The following SEMA3E variants were observed in gnomAD, a reference collection of about 807,000 sequenced individuals.
SEMA3E encodes semaphorin 3E, also known as semaphorin-3E.
Under a neutral mutation model 93.6 loss-of-function variants are expected in SEMA3E, and 49 were observed. The ratio of observed to expected loss-of-function variants is 0.52; its 90% confidence interval spans 0.42 to 0.66. The LOEUF is 0.66. Ranked by LOEUF, SEMA3E falls within the 30% of genes least tolerant of loss-of-function variation. The probability of loss-of-function intolerance (pLI) is 0.00; values close to 1 mark genes in which losing one functional copy is unlikely to be tolerated. For missense variants in SEMA3E, 906 were observed against 964.8 expected (o/e 0.94, Z 0.81); for synonymous variants, 363 against 330.7 (o/e 1.10, Z -1.06).
chr7:83,441,754 T>A (rs2115786182), intron 4 of SEMA3E, among the ~76,000 whole-genome samples: 1 of 146,466 alleles, frequency 6.8e-6, no homozygotes, highest in Admixed American at 6.8e-5. Context: ...CCTACAGGTA[T>A]GGATACACAC....
At position 83,595,919 on chromosome 7, in the gene SEMA3E, C is replaced by A. The variant is rs147633592; in HGVS notation, c.115+52509G>T. 4.3e-3 allele frequency among the ~76,000 whole-genome samples: 659 copies of A among 152,044 alleles called. 1 individual carries two copies. Among genetic ancestry groups the A allele is most frequent in the Admixed American group, 9.6e-3 (146 of 15,268 alleles). On this transcript the variant is annotated intron_variant, in intron 1 of 16. Coordinates refer to ENST00000643230, the MANE Select transcript of SEMA3E (RefSeq NM_012431.3). Reference sequence around the variant, plus strand: ...AATAATTTATGACTATGAAAATATTCCATTTATCTTTAAACTTTTGCCCAC... The same window carrying A: ...AATAATTTATGACTATGAAAATATTACATTTATCTTTAAACTTTTGCCCAC...
chr7:83,599,655 T>C (rs752045266), intron 1 of SEMA3E, among the ~76,000 whole-genome samples: 2 of 152,188 alleles, frequency 1.3e-5, no homozygotes, highest in Non-Finnish European at 2.9e-5. Flanking sequence ...ATAACTACAT[T>C]CAGAAAACCA....
intron 1 of SEMA3E, among the ~76,000 whole-genome samples, chr7:83,498,264 G>A (rs1790528598): frequency 3.3e-5 from 5 of 152,210 alleles, no homozygotes; most frequent in Middle Eastern, 3.4e-3. Flanking sequence ...GCTTTAGACT[G>A]CACTGGGGTT....
In SEMA3E at chr7:83,408,399, G is replaced by A; in HGVS notation, c.639C>T (p.Arg213=). 1.2e-6 allele frequency: 2 copies of A among 1,613,782 alleles called. No homozygotes were observed. Among genetic ancestry groups the A allele is most frequent in the South Asian group, 1.1e-5 (1 of 91,078 alleles). ...FRSMGRLAHI[R]TEHDDERLLK... is the part of the protein sequence containing the mutation. ...ACAGACGCTCATCGTCATGCTCAGT[G>A]CGGATATGGGCCAGTCGCCCCATGC... is the stretch of plus-strand genomic sequence containing the variant. Residue 213 remains arginine, a synonymous_variant, in exon 6 of 17, where the codon CGC becomes CGT. Transcript: ENST00000643230.
intron 2 of SEMA3E, among the ~76,000 whole-genome samples, chr7:83,476,514 C>A (rs1200075692): frequency 1.3e-5 from 2 of 152,082 alleles, no homozygotes; most frequent in Non-Finnish European, 2.9e-5. Context: ...TATAGGTTTA[C>A]CAAAGTTTTT....
intron 1 of SEMA3E, among the ~76,000 whole-genome samples, chr7:83,525,830 C>G (rs924510834): frequency 2.5e-5 from 3 of 118,298 alleles, no homozygotes; most frequent in Admixed American, 1.9e-4. Flanking sequence ...TAGATGATTT[C>G]CTTAGCTATC....
chr7:83,612,808 C>T (rs1793291440), intron 1 of SEMA3E, among the ~76,000 whole-genome samples: 1 of 151,986 alleles, frequency 6.6e-6, no homozygotes, highest in African/African-American at 2.4e-5. Flanking sequence ...ATAGTAATTC[C>T]CCAATAAGAT....
chr7:83,591,828 TACA>T (rs1792761934), intron 1 of SEMA3E, among the ~76,000 whole-genome samples: 1 of 152,206 alleles, frequency 6.6e-6, no homozygotes, highest in Admixed American at 6.6e-5. Flanking sequence ...CTCTACTTGA[TACA>T]ACAACTGGAA....
chr7:83,368,021 T>G lies in SEMA3E; in HGVS notation c.1893A>C (p.Arg631Ser), dbSNP rs900496407. Residue 631 changes from arginine to serine, a missense_variant, in exon 17 of 17, where the codon AGA becomes AGC. Coordinates refer to ENST00000643230, the MANE Select transcript of SEMA3E (RefSeq NM_012431.3). ...TRKEEVKTDDRVVKMDLGLLF... is the reference protein window; with the variant it reads ...TRKEEVKTDDSVVKMDLGLLF... ...GTAAACCAAGGTCCATCTTAACCAC[T>G]CTGTCATCTGTCTTCACCTGCAAAA... 3 of 1,613,974 alleles carry G rather than the reference T, an allele frequency of 1.9e-6. No individual in the cohort carries two copies. Among genetic ancestry groups the G allele is most frequent in the Non-Finnish European group, 2.5e-6 (3 of 1,179,964 alleles).
chr7:83,546,321 GGTGTGTGTGTGTGTGTGT>G (rs67647992), intron 1 of SEMA3E, among the ~76,000 whole-genome samples: 2,421 of 129,474 alleles, frequency 0.019, 78 homozygotes, highest in African/African-American at 0.062. Context: ...TATAATAAGG[GGTGTGTGTGTGTGTGTGT>G]GTGTGTGTGT....
intron 2 of SEMA3E, among the ~76,000 whole-genome samples, chr7:83,480,008 G>GA (rs749635095): frequency 3.9e-5 from 6 of 152,126 alleles, no homozygotes; most frequent in Non-Finnish European, 8.8e-5. Flanking sequence ...ATAGAAAAGA[G>GA]AAAATGGCAG....
At chr7:83,573,566 G>A (rs934395635) in intron 1 of SEMA3E, among the ~76,000 whole-genome samples, 10 of 151,974 alleles carry the variant, frequency 6.6e-5, no homozygotes, top group African/African-American at 2.4e-4. Context: ...AAAAATAACA[G>A]GAGGATAAAG....
At chr7:83,620,861 A>G (rs1562858555) in intron 1 of SEMA3E, among the ~76,000 whole-genome samples, 1 of 152,118 alleles carries the variant, frequency 6.6e-6, no homozygotes, top group Non-Finnish European at 1.5e-5. Flanking sequence ...TATAAGAGCC[A>G]CATATGATAA....
At chr7:83,442,922 A>T (rs1789147272) in intron 4 of SEMA3E, among the ~76,000 whole-genome samples, 1 of 152,230 alleles carries the variant, frequency 6.6e-6, no homozygotes, top group East Asian at 1.9e-4. Flanking sequence ...TTTCCAGTAC[A>T]TTGTAGCAAC....
At chr7:83,635,719 G>A (rs902587070) in intron 1 of SEMA3E, among the ~76,000 whole-genome samples, 3 of 151,726 alleles carry the variant, frequency 2.0e-5, no homozygotes, top group Non-Finnish European at 1.5e-5. Context: ...AATAACCTGG[G>A]TTGAGAAAGT....
At chr7:83,528,233 C>A (rs1336043487) in intron 1 of SEMA3E, among the ~76,000 whole-genome samples, 1 of 152,058 alleles carries the variant, frequency 6.6e-6, no homozygotes, top group Non-Finnish European at 1.5e-5. Context: ...TGAAGCATTT[C>A]TAACTTGGGA....
intron 4 of SEMA3E, among the ~76,000 whole-genome samples, chr7:83,445,316 A>G (rs1055785277): frequency 2.0e-5 from 3 of 152,366 alleles, no homozygotes; most frequent in Admixed American, 2.0e-4. Context: ...TTTTTATTTC[A>G]GAATAGAGAA....
At chr7:83,448,564 A>G (rs1789286297) in intron 4 of SEMA3E, among the ~76,000 whole-genome samples, 2 of 152,254 alleles carry the variant, frequency 1.3e-5, no homozygotes, top group Admixed American at 6.5e-5. Context: ...ACGCTAGTAT[A>G]TTTTCTCCTT....
chr7:83,584,987 G>A (rs1015733937), intron 1 of SEMA3E, among the ~76,000 whole-genome samples: 2 of 152,098 alleles, frequency 1.3e-5, no homozygotes, highest in East Asian at 1.9e-4. Context: ...AGCAAGAGTC[G>A]ACATCCTCTG....
Sources: allele counts gnomAD v4.1 joint callset (sites outside exome capture counted in the v4.1 genomes callset), GRCh38; gene constraint gnomAD v4.1.1; transcripts MANE v1.5; gene names NCBI Gene and HGNC (gene_info 2026-07-23, HGNC 2026-07-21).